Variants in RGS6 observed in about 807,000 individuals in gnomAD.
The protein encoded by RGS6 is regulator of G-protein signaling 6.
Under a neutral mutation model 78.5 loss-of-function variants are expected in RGS6, and 30 were observed. The observed-to-expected ratio is 0.38, with a 90% CI of 0.29 to 0.52. RGS6 has a LOEUF of 0.52. RGS6 is among the 20% of genes least tolerant of loss of function. The pLI is 0.85. For synonymous variants in RGS6, 206 were observed against 206.0 expected (o/e 1.00, Z 0.00); for missense variants, 495 against 609.7 (o/e 0.81, Z 1.98).
chr14:71,941,981 C>A lies in RGS6; in HGVS notation c.-21+9040C>A, dbSNP rs548573285. ...TGTTTGACTTTTCTTTGCAGCCATC[C>A]ATCCAGTGCCCCAAAATATACCTGC... On this transcript the variant is annotated intron_variant, in intron 1 of 17. Transcript: ENST00000553525. 6.6e-5 allele frequency among the ~76,000 whole-genome samples: 10 copies of A among 152,296 alleles called. No individual in the cohort carries two copies. The South Asian group carries it at 2.1e-3, about 32-fold the overall frequency.
In RGS6 at chr14:72,235,261, G is replaced by A. The variant is rs141921036; in HGVS notation, c.85-116834G>A. Among the ~76,000 whole-genome samples, 469 of 152,232 alleles carry A rather than the reference G, an allele frequency of 3.1e-3. 1 individual carries two copies. Among genetic ancestry groups the A allele is most frequent in the African/African-American group, 0.011 (453 of 41,532 alleles). The stretch of plus-strand genomic sequence containing the variant: ...CACCCCACCTTCAGTTTGGTGAGGT[G>A]ACAGAAGGGAGGAAAATATGAGAAG... On this transcript the variant is annotated intron_variant, in intron 2 of 17. Transcript: ENST00000553525.
intron 4 of RGS6, among the ~76,000 whole-genome samples, chr14:72,455,578 C>T (rs2095609298): frequency 6.6e-6 from 1 of 151,822 alleles, no homozygotes; most frequent in Non-Finnish European, 1.5e-5. Flanking sequence ...GCCAGAAAAG[C>T]AGATCATTCA....
intron 2 of RGS6, among the ~76,000 whole-genome samples, chr14:72,135,572 G>C (rs1682147046): frequency 6.6e-6 from 1 of 151,990 alleles, no homozygotes; most frequent in Non-Finnish European, 1.5e-5. Flanking sequence ...ACGAGAGAGA[G>C]GTAAGGAATA....
At chr14:72,011,595 T>A (rs971770461) in intron 2 of RGS6, among the ~76,000 whole-genome samples, 1 of 145,174 alleles carries the variant, frequency 6.9e-6, no homozygotes, top group Non-Finnish European at 1.5e-5. Flanking sequence ...AAAAAAAAAA[T>A]AATGCAAATA....
At chr14:72,548,890 G>T (rs1021583335) in intron 17 of RGS6, among the ~76,000 whole-genome samples, 6 of 152,164 alleles carry the variant, frequency 3.9e-5, no homozygotes, top group African/African-American at 1.4e-4. Flanking sequence ...CCCTCAAAGG[G>T]CAACGAGCTC....
chr14:72,038,423 T>C (rs11158937), intron 2 of RGS6, among the ~76,000 whole-genome samples: 19,817 of 152,248 alleles, frequency 0.13, 1,346 homozygotes, highest in East Asian at 0.17. Flanking sequence ...TAGTTCTACC[T>C]ACAAAAATCT....
In RGS6 at chr14:72,350,829, A is replaced by T. The variant is rs111310307; in HGVS notation, c.85-1266A>T. On this transcript the variant is annotated intron_variant, in intron 2 of 17. Coordinates refer to ENST00000553525, the MANE Select transcript of RGS6 (RefSeq NM_001204424.2). ...GTGAAAAAATGGAGATAATAGTAGA[A>T]TCTATTTCATCAAGTAATTATGAGG... Among the ~76,000 whole-genome samples, 797 of 152,322 alleles carry T rather than the reference A, an allele frequency of 5.2e-3. 6 individuals are homozygous for T. Among genetic ancestry groups the T allele is most frequent in the African/African-American group, 0.018 (765 of 41,570 alleles).
chr14:72,022,978 C>T (rs2089029500), intron 2 of RGS6, among the ~76,000 whole-genome samples: 1 of 152,196 alleles, frequency 6.6e-6, no homozygotes, highest in Admixed American at 6.5e-5. Context: ...CCAGCTCAGA[C>T]TCCACCTCCT....
At chr14:72,154,760 G>A (rs1414451976) in intron 2 of RGS6, among the ~76,000 whole-genome samples, 2 of 152,202 alleles carry the variant, frequency 1.3e-5, no homozygotes, top group Non-Finnish European at 2.9e-5. Context: ...CCTGTCCCCA[G>A]TGGTTCTGTT....
intron 3 of RGS6, among the ~76,000 whole-genome samples, chr14:72,391,903 C>T (rs138546269): frequency 0.011 from 1,702 of 152,316 alleles, 9 homozygotes; most frequent in Non-Finnish European, 0.017. Flanking sequence ...CCAGCTTCAT[C>T]CATGTCCCTG....
At chr14:71,954,064 A>G (rs1203805742) in intron 1 of RGS6, among the ~76,000 whole-genome samples, 1 of 132,854 alleles carries the variant, frequency 7.5e-6, no homozygotes, top group East Asian at 2.4e-4. Flanking sequence ...ATTCTTCTAT[A>G]GGTAAGGAAT....
At chr14:72,391,822 C>G (rs1043181357) in intron 3 of RGS6, among the ~76,000 whole-genome samples, 2 of 152,178 alleles carry the variant, frequency 1.3e-5, no homozygotes, top group African/African-American at 4.8e-5. Flanking sequence ...TTGTTCAACT[C>G]CCACTTATGA....
chr14:72,324,995 C>T (rs372297465), intron 2 of RGS6, among the ~76,000 whole-genome samples: 1 of 152,346 alleles, frequency 6.6e-6, no homozygotes, highest in Admixed American at 6.5e-5. Context: ...GTTCCTATTT[C>T]TCCACATGCT....
chr14:72,257,205 G>A lies in RGS6; in HGVS notation c.85-94890G>A, dbSNP rs182446694. On this transcript the variant is annotated intron_variant, in intron 2 of 17. Transcript: ENST00000553525. ...TGAAGAAGAGTAGTTTTTGAGCCAT[G>A]TTCTTTGAATCACTAAGATTCTTCA... Among the ~76,000 whole-genome samples, 7 of 152,296 alleles carry A rather than the reference G, an allele frequency of 4.6e-5. No individual in the cohort carries two copies. In the East Asian group the frequency reaches 1.4e-3, roughly 29 times the overall value.
chr14:72,157,016 T>G (rs932858271), intron 2 of RGS6, among the ~76,000 whole-genome samples: 2 of 152,188 alleles, frequency 1.3e-5, no homozygotes, highest in African/African-American at 4.8e-5. Context: ...GGTGAGTCAT[T>G]AGGACCACCT....
intron 1 of RGS6, among the ~76,000 whole-genome samples, chr14:71,949,094 A>G (rs11158920): frequency 0.14 from 20,526 of 148,682 alleles, 1,686 homozygotes; most frequent in Admixed American, 0.2. Flanking sequence ...GGATATTTCT[A>G]GGTTAGACAT....
At position 72,467,229 on chromosome 14, in the gene RGS6, T is replaced by C. The variant is rs567156094; in HGVS notation, c.459+1407T>C. ...ACTGGCTAAACTTTCTTATACCTTC[T>C]ACTTCCCTCTCCCTATATGTCTTCC... On this transcript the variant is annotated intron_variant, in intron 7 of 17. Transcript: ENST00000553525. Among the ~76,000 whole-genome samples, 615 of 152,294 alleles carry C rather than the reference T, an allele frequency of 4.0e-3. 4 individuals carry two copies. Among genetic ancestry groups the C allele is most frequent in the African/African-American group, 0.014 (569 of 41,554 alleles).
At chr14:72,055,160 C>T (rs954241194) in intron 2 of RGS6, among the ~76,000 whole-genome samples, 1 of 152,196 alleles carries the variant, frequency 6.6e-6, no homozygotes, top group African/African-American at 2.4e-5. Flanking sequence ...ACAGCAACCA[C>T]TGCTGTGTTG....
chr14:72,194,140 C>T (rs534035992), intron 2 of RGS6, among the ~76,000 whole-genome samples: 71 of 152,060 alleles, frequency 4.7e-4, no homozygotes, highest in Non-Finnish European at 7.5e-4. Context: ...TGGTGAGGAA[C>T]GGTCGGTCAG....
Sources: allele counts gnomAD v4.1 joint callset (sites outside exome capture counted in the v4.1 genomes callset), GRCh38; gene constraint gnomAD v4.1.1; transcripts MANE v1.5; gene names NCBI Gene and HGNC (gene_info 2026-07-23, HGNC 2026-07-21).